FMN2: variants seen among roughly 807,000 people sequenced by gnomAD.
FMN2 encodes formin 2, also known as formin-2.
Under a neutral mutation model 142.3 loss-of-function variants are expected in FMN2, and 51 were observed. That is an observed-to-expected ratio of 0.36 (90% CI 0.29 to 0.45). The LOEUF is 0.45. FMN2 is among the 20% of genes least tolerant of loss of function. The pLI is 1.00. For missense variants in FMN2, 1,936 were observed against 2,122.8 expected (o/e 0.91, Z 1.73); for synonymous variants, 882 against 869.8 (o/e 1.01, Z -0.25).
At chr1:240,305,626 A>T (rs1287139474) in intron 8 of FMN2, among the ~76,000 whole-genome samples, 1 of 152,234 alleles carries the variant, frequency 6.6e-6, no homozygotes, top group Admixed American at 6.5e-5. Context: ...CAATAGTATT[A>T]CGTGGTTTGG....
chr1:240,248,832 T>C (rs1006743029), intron 6 of FMN2, among the ~76,000 whole-genome samples: 6 of 152,124 alleles, frequency 3.9e-5, no homozygotes, highest in Non-Finnish European at 7.4e-5. Context: ...TGAGCAGTTT[T>C]TTTCATATAC....
At position 240,153,355 on chromosome 1, in the gene FMN2, AAAGTACCC is replaced by A. The variant is rs1478271670; in HGVS notation, c.1783-24564_1783-24557del. On this transcript the variant is annotated intron_variant, in intron 2 of 17. Coordinates refer to ENST00000319653, the MANE Select transcript of FMN2 (RefSeq NM_020066.5). ...TCATTTAATCTCACTCGGTTCTCAA[AAAGTACCC>A]ATTGAGCTGGTTGTATTTACAGTTT... is the stretch of plus-strand genomic sequence containing the variant. 7.3e-5 allele frequency among the ~76,000 whole-genome samples: 11 copies of A among 151,680 alleles called. No homozygotes were observed. In the East Asian group the frequency reaches 2.1e-3, roughly 29 times the overall value.
rs779127380 is a variant in FMN2 at position 240,438,159 on chromosome 1, C to G, written c.5009C>G (p.Ser1670Cys). Reference protein sequence around the residue: ...AFFSIWHEFSSDFKDFWKKEN... With the variant: ...AFFSIWHEFSCDFKDFWKKEN... ...TTCAGTATCTGGCATGAATTCAGCT[C>G]TGACTTTAAAGACTTCTGGAAGAAA... Residue 1670 changes from serine (S) to cysteine (C), a missense_variant, in exon 16 of 18, where the codon TCT becomes TGT. Physicochemically the swap from Ser to Cys is moderately radical, Grantham distance 112. Around this residue, in one of 8 missense-constraint regions of FMN2, gnomAD observed 322 missense variants for 401.6 expected, o/e 0.80. Transcript: ENST00000319653. 1.2e-6 allele frequency: 2 copies of G among 1,614,080 alleles called. No individual in the cohort carries two copies. The highest frequency in any genetic ancestry group is 2.2e-5 in the East Asian group (1 of 44,876).
At chr1:240,129,337 A>G (rs1662641930) in intron 2 of FMN2, among the ~76,000 whole-genome samples, 1 of 152,110 alleles carries the variant, frequency 6.6e-6, no homozygotes, top group Admixed American at 6.6e-5. Flanking sequence ...TATTTTTGAA[A>G]CGTTGTGTAC....
At position 240,128,091 on chromosome 1, in the gene FMN2, T is replaced by C. The variant is rs185056597; in HGVS notation, c.1782+4746T>C. The stretch of plus-strand genomic sequence containing the variant: ...AGACAGCTGCATTTTGGGAGGAGGA[T>C]ATAAGGATAGAACTGCTAGCAAGAG... On this transcript the variant is annotated intron_variant, in intron 2 of 17. Coordinates refer to ENST00000319653, the MANE Select transcript of FMN2 (RefSeq NM_020066.5). Among the ~76,000 whole-genome samples the C allele has an allele frequency of 6.6e-5, 10 of 152,242 alleles. No homozygotes were observed. In the East Asian group the frequency reaches 1.9e-3, roughly 29 times the overall value.
intron 15 of FMN2, among the ~76,000 whole-genome samples, chr1:240,405,607 A>G (rs977017349): frequency 6.8e-6 from 1 of 147,696 alleles, no homozygotes; most frequent in Admixed American, 6.6e-5. Context: ...GACAAGAGCA[A>G]AACTCCGTCT....
chr1:240,418,493 C>G (rs957991005), intron 15 of FMN2, among the ~76,000 whole-genome samples: 1 of 152,110 alleles, frequency 6.6e-6, no homozygotes, highest in African/African-American at 2.4e-5. Context: ...CCACGCCCAG[C>G]CTATTGTTGA....
chr1:240,145,054 C>T, intron 2 of FMN2: 1 of 1,403,148 alleles, frequency 7.1e-7, no homozygotes, highest in Non-Finnish European at 1.0e-6. Flanking sequence ...CATACATTTC[C>T]TTCAGTTTGC....
At chr1:240,214,561 A>AAAAG (rs1203108653) in intron 6 of FMN2, among the ~76,000 whole-genome samples, 3 of 148,196 alleles carry the variant, frequency 2.0e-5, no homozygotes, top group African/African-American at 7.9e-5. Context: ...AAAAAAAAAA[A>AAAAG]AAAAAGAAAA....
chr1:240,136,881 A>G (rs1007324287), intron 2 of FMN2, among the ~76,000 whole-genome samples: 3 of 151,678 alleles, frequency 2.0e-5, no homozygotes, highest in East Asian at 1.9e-4. Context: ...GATCAGCCTG[A>G]CCCACATGGT....
chr1:240,166,013 G>A (rs1212873156), intron 2 of FMN2, among the ~76,000 whole-genome samples: 5 of 151,836 alleles, frequency 3.3e-5, no homozygotes, highest in South Asian at 2.1e-4. Flanking sequence ...GCCAACCTCC[G>A]CTCACTAGGT....
chr1:240,190,405 A>G (rs956908811), intron 4 of FMN2, among the ~76,000 whole-genome samples: 1 of 152,200 alleles, frequency 6.6e-6, no homozygotes, highest in African/African-American at 2.4e-5. Flanking sequence ...CTTTTCTTAG[A>G]TGATATGGAT....
chr1:240,110,181 G>T, intron 1 of FMN2, among the ~76,000 whole-genome samples: 1 of 152,180 alleles, frequency 6.6e-6, no homozygotes, highest in African/African-American at 2.4e-5. Flanking sequence ...TCCCAGAGTT[G>T]CTGGCTGAGT....
intron 6 of FMN2, chr1:240,236,045 T>C (rs537161486): frequency 6.6e-6 from 1 of 152,364 alleles, no homozygotes; most frequent in Non-Finnish European, 1.5e-5. Flanking sequence ...AATTACCTTG[T>C]ACCCGTTTGG....
In FMN2 at chr1:240,134,404, G is replaced by A. The variant is rs182780127; in HGVS notation, c.1782+11059G>A. ...ATTGGGAAGCTGAGGCAGGAGGATC[G>A]CTTGAGCCCAGGAGTATGAGACCAG... On this transcript the variant is annotated intron_variant, in intron 2 of 17. Transcript: ENST00000319653. Among the ~76,000 whole-genome samples, 274 of 152,200 alleles carry A rather than the reference G, an allele frequency of 1.8e-3. 3 individuals carry two copies. The highest frequency in any genetic ancestry group is 3.4e-3 in the Admixed American group (52 of 15,282).
At chr1:240,143,061 AG>A in intron 2 of FMN2, 1 of 1,501,916 alleles carries the variant, frequency 6.7e-7, no homozygotes, top group South Asian at 1.1e-5. Flanking sequence ...GTAGGGGCAG[AG>A]GGTAAGTGTA....
At chr1:240,294,665 T>C (rs757613364) in intron 7 of FMN2, among the ~76,000 whole-genome samples, 157 bp from the exon 8 acceptor site, 3 of 152,214 alleles carry the variant, frequency 2.0e-5, no homozygotes, top group Non-Finnish European at 4.4e-5. Context: ...CCCAGCGAAA[T>C]TCCTGGTGCA....
chr1:240,363,160 G>T (rs1672550443), intron 14 of FMN2, among the ~76,000 whole-genome samples: 1 of 152,148 alleles, frequency 6.6e-6, no homozygotes, highest in Non-Finnish European at 1.5e-5. Context: ...TCTCAGAAAG[G>T]AATATTCTTT....
chr1:240,291,692 T>C (rs1270487476), intron 7 of FMN2, among the ~76,000 whole-genome samples: 2 of 152,184 alleles, frequency 1.3e-5, no homozygotes, highest in Non-Finnish European at 2.9e-5. Flanking sequence ...GGTTTATCAT[T>C]CAGGTAAAGG....
Sources: allele counts gnomAD v4.1 joint callset (sites outside exome capture counted in the v4.1 genomes callset), GRCh38; gene constraint gnomAD v4.1.1; regional missense constraint gnomAD v4.1.1; transcripts MANE v1.5; gene names NCBI Gene and HGNC (gene_info 2026-07-23, HGNC 2026-07-21).